The following ANO3 variants were observed in gnomAD, a reference collection of about 807,000 sequenced individuals.
The protein encoded by ANO3 is anoctamin 3.
In ANO3, 99 loss-of-function variants were observed where a neutral mutation model predicts 144.8. The observed-to-expected ratio is 0.68, with a 90% CI of 0.58 to 0.81. ANO3 has a LOEUF of 0.81. ANO3 is among the 30% of genes least tolerant of loss of function. The probability of loss-of-function intolerance (pLI) is 0.00; values close to 1 mark genes in which losing one functional copy is unlikely to be tolerated. For synonymous variants in ANO3, 414 were observed against 392.6 expected (o/e 1.05, Z -0.64); for missense variants, 905 against 1,202.2 (o/e 0.75, Z 3.66).
At chr11:26,467,909 C>A (rs1372619269) in intron 4 of ANO3, among the ~76,000 whole-genome samples, 1 of 151,792 alleles carries the variant, frequency 6.6e-6, no homozygotes, top group Non-Finnish European at 1.5e-5. Flanking sequence ...GACTGAAGGA[C>A]CTGGCCTGAC....
At chr11:26,607,295 GTCTTCGGGTTAATCC>G (rs1851963766) in intron 17 of ANO3, among the ~76,000 whole-genome samples, 1 of 152,074 alleles carries the variant, frequency 6.6e-6, no homozygotes, top group African/African-American at 2.4e-5. Flanking sequence ...ATAACTATGT[GTCTTCGGGTTAATCC>G]TCTCGTGGAG....
At chr11:26,465,312 ATAGATAGT>A (rs894675171) in intron 4 of ANO3, among the ~76,000 whole-genome samples, 3 of 151,064 alleles carry the variant, frequency 2.0e-5, no homozygotes, top group African/African-American at 7.3e-5. Context: ...AGATAGATAG[ATAGATAGT>A]TAAATTATAT....
At chr11:26,199,937 T>C (rs898044452) in intron 1 of ANO3, among the ~76,000 whole-genome samples, 1 of 152,206 alleles carries the variant, frequency 6.6e-6, no homozygotes, top group African/African-American at 2.4e-5. Flanking sequence ...TTTATGACCA[T>C]ACAGTATGTT....
intron 11 of ANO3, among the ~76,000 whole-genome samples, chr11:26,547,196 G>A (rs1454198189): frequency 6.6e-6 from 1 of 151,816 alleles, no homozygotes; most frequent in Non-Finnish European, 1.5e-5. Context: ...CTAAATACAT[G>A]TGACAGAATT....
intron 24 of ANO3, among the ~76,000 whole-genome samples, chr11:26,654,104 C>T (rs1853612540): frequency 6.6e-6 from 1 of 152,130 alleles, no homozygotes; most frequent in African/African-American, 2.4e-5. Context: ...CTGTAATCTT[C>T]TGTACATTTT....
intron 1 of ANO3, among the ~76,000 whole-genome samples, chr11:26,202,483 T>C (rs1851716444): frequency 6.6e-6 from 1 of 151,324 alleles, no homozygotes; most frequent in South Asian, 2.1e-4. Context: ...TAAGGCAACA[T>C]TATTTGTGCT....
At chr11:26,426,804 C>G (rs554059756) in intron 1 of ANO3, among the ~76,000 whole-genome samples, 11 of 152,180 alleles carry the variant, frequency 7.2e-5, no homozygotes, top group African/African-American at 2.7e-4. Flanking sequence ...TAACATGCTG[C>G]AGCAACGGTT....
chr11:26,659,740 G>A (rs1478913737), intron 26 of ANO3, among the ~76,000 whole-genome samples: 2 of 152,018 alleles, frequency 1.3e-5, no homozygotes, highest in Non-Finnish European at 2.9e-5. Context: ...TTTTATCATA[G>A]AATTATTATG....
At chr11:26,381,915 T>C (rs1856599530) in intron 1 of ANO3, among the ~76,000 whole-genome samples, 1 of 152,200 alleles carries the variant, frequency 6.6e-6, no homozygotes, top group Non-Finnish European at 1.5e-5. Flanking sequence ...AACAATTTTT[T>C]TTATCTCTTG....
intron 4 of ANO3, among the ~76,000 whole-genome samples, chr11:26,501,300 A>C (rs952346785): frequency 2.6e-5 from 4 of 152,176 alleles, no homozygotes; most frequent in South Asian, 2.1e-4. Context: ...AGCAGGCCAG[A>C]GTCACGCCCT....
At chr11:26,195,584 T>C (rs766788264) in intron 1 of ANO3, among the ~76,000 whole-genome samples, 1 of 152,214 alleles carries the variant, frequency 6.6e-6, no homozygotes, top group Non-Finnish European at 1.5e-5. Flanking sequence ...AAGTTGTAGA[T>C]GGGCATAGCT....
intron 4 of ANO3, among the ~76,000 whole-genome samples, chr11:26,498,617 C>G (rs922415165): frequency 2.0e-5 from 3 of 150,986 alleles, no homozygotes; most frequent in African/African-American, 7.3e-5. Context: ...TGAGCTGGAA[C>G]AAGTTATATC....
intron 24 of ANO3, among the ~76,000 whole-genome samples, chr11:26,655,419 G>C (rs72881790): frequency 0.024 from 3,683 of 152,252 alleles, 54 homozygotes; most frequent in South Asian, 0.04. Context: ...GAACATTCAT[G>C]TAGTTCTTGT....
At chr11:26,343,379 A>C (rs2133902665) in intron 1 of ANO3, among the ~76,000 whole-genome samples, 1 of 152,316 alleles carries the variant, frequency 6.6e-6, no homozygotes, top group East Asian at 1.9e-4. Context: ...ATCAAGATTC[A>C]GATTTCATTT....
chr11:26,548,664 A>C (rs938490952), intron 12 of ANO3, among the ~76,000 whole-genome samples: 1 of 152,018 alleles, frequency 6.6e-6, no homozygotes, highest in South Asian at 2.1e-4. Flanking sequence ...TTCAATAACC[A>C]AGTTGCTTGA....
intron 1 of ANO3, among the ~76,000 whole-genome samples, chr11:26,216,780 TG>T (rs1852042951): frequency 6.6e-6 from 1 of 152,046 alleles, no homozygotes; most frequent in South Asian, 2.1e-4. Flanking sequence ...TCCAACAATT[TG>T]TATTTCATTG....
chr11:26,276,682 G>C lies in ANO3; in HGVS notation c.155-32963G>C, dbSNP rs149479393. Among the ~76,000 whole-genome samples the C allele has an allele frequency of 2.2e-3, 342 of 152,130 alleles. 13 individuals carry two copies. In the East Asian group the frequency reaches 0.056, roughly 25 times the overall value. On this transcript the variant is annotated intron_variant, in intron 1 of 27. Coordinates refer to the ANO3 transcript ENST00000672621. ...ACTAGGTTAGACCACGCTTTCAAAG[G>C]CCAATTCAATGCGTTTGAAATATGC... is the stretch of plus-strand genomic sequence containing the variant.
At chr11:26,469,994 G>T (rs1859723847) in intron 4 of ANO3, among the ~76,000 whole-genome samples, 1 of 151,898 alleles carries the variant, frequency 6.6e-6, no homozygotes, top group South Asian at 2.1e-4. Context: ...TGGCCAATAT[G>T]TACATTGAGC....
rs142562952 is a variant in ANO3 at position 26,422,276 on chromosome 11, G to T, written c.47-19642G>T. 8.3e-3 allele frequency among the ~76,000 whole-genome samples: 1,265 copies of T among 152,000 alleles called. 13 individuals are homozygous for T. The highest frequency in any genetic ancestry group is 0.027 in the Middle Eastern group (8 of 294). On this transcript the variant is annotated intron_variant, in intron 1 of 26. Coordinates refer to ENST00000256737, the MANE Select transcript of ANO3 (RefSeq NM_031418.4). ...TTATTTACTTTTCAATTTTCTCTTT[G>T]AAGTTTTCTAAGGATCTATTTTTCC...
Sources: allele counts gnomAD v4.1 joint callset (sites outside exome capture counted in the v4.1 genomes callset), GRCh38; gene constraint gnomAD v4.1.1; transcripts MANE v1.5; gene names NCBI Gene and HGNC (gene_info 2026-07-23, HGNC 2026-07-21).